NAA11: variants seen among roughly 807,000 people sequenced by gnomAD.
The protein encoded by NAA11 is N-alpha-acetyltransferase 11.
In NAA11, 15 loss-of-function variants were observed where a neutral mutation model predicts 16.1. That is an observed-to-expected ratio of 0.93 (90% CI 0.62 to 1.44). The LOEUF is 1.44. Among genes scored for constraint, NAA11 ranks in the 40% most tolerant of loss-of-function variants. The pLI is 0.00. For synonymous variants in NAA11, 122 were observed against 112.4 expected (o/e 1.09, Z -0.54); for missense variants, 298 against 291.3 (o/e 1.02, Z -0.17).
At chr4:79,266,744 A>G (rs1256917641) in intron 2 of NAA11, among the ~76,000 whole-genome samples, 1 of 152,186 alleles carries the variant, frequency 6.6e-6, no homozygotes, top group Non-Finnish European at 1.5e-5. Flanking sequence ...TTTGGGGGGT[A>G]AGTGAATCAC....
chr4:79,217,629 T>A, the NAA11 span, among the ~76,000 whole-genome samples: 3 of 152,274 alleles, frequency 2.0e-5, no homozygotes, highest in East Asian at 3.9e-4. Context: ...ACATGAATTA[T>A]TATAGTGAAT....
intron 1 of NAA11, among the ~76,000 whole-genome samples, chr4:79,301,189 G>A (rs746347686): frequency 5.9e-5 from 9 of 152,164 alleles, no homozygotes; most frequent in Non-Finnish European, 1.2e-4. Context: ...AGTAAGTACC[G>A]AATAAACATT....
chr4:79,291,168 A>T lies in NAA11; in HGVS notation c.*122+2837T>A, dbSNP rs189100606. ...TTTAAAAGAGCGTGTACAGCACCAT[A>T]TAAAGAATCTGGGCCAGGTGCAGTG... On this transcript the variant is annotated intron_variant and NMD_transcript_variant, in intron 2 of 2. Coordinates refer to the NAA11 transcript ENST00000511542. 3.7e-4 allele frequency among the ~76,000 whole-genome samples: 57 copies of T among 152,292 alleles called. 1 individual carries two copies. The East Asian group carries it at 9.5e-3, about 25-fold the overall frequency.
At chr4:79,304,843 C>T (rs983982657) in intron 1 of NAA11, among the ~76,000 whole-genome samples, 2 of 152,086 alleles carry the variant, frequency 1.3e-5, no homozygotes, top group African/African-American at 4.8e-5. Context: ...GCCCTAGTAT[C>T]TTGAGTATGC....
At chr4:79,272,272 GA>G (rs1428256973) in intron 2 of NAA11, among the ~76,000 whole-genome samples, 1 of 151,994 alleles carries the variant, frequency 6.6e-6, no homozygotes, top group East Asian at 1.9e-4. Context: ...TTGATGTTGT[GA>G]AAAGAGAATT....
chr4:79,163,080 C>T, the NAA11 span, among the ~76,000 whole-genome samples: 3 of 152,150 alleles, frequency 2.0e-5, no homozygotes, highest in East Asian at 5.8e-4. Context: ...TCCAAAGCCC[C>T]TCCTATTTCC....
chr4:79,304,032 C>T (rs889287177), intron 1 of NAA11, among the ~76,000 whole-genome samples: 3 of 152,046 alleles, frequency 2.0e-5, no homozygotes, highest in African/African-American at 4.8e-5. Flanking sequence ...AGTGACAGCT[C>T]GACAGCTCTT....
At chr4:79,315,707 G>T (rs1422362343), downstream of NAA11, among the ~76,000 whole-genome samples, 1 of 151,678 alleles carries the variant, frequency 6.6e-6, no homozygotes, top group Non-Finnish European at 1.5e-5. Context: ...CACTTTTCCT[G>T]TGTAAAAAGA....
the NAA11 span, among the ~76,000 whole-genome samples, chr4:79,214,717 T>C: frequency 6.6e-6 from 1 of 152,052 alleles, no homozygotes; most frequent in Non-Finnish European, 1.5e-5. Context: ...GAGAATGGCA[T>C]GAACCAGGAG....
At chr4:79,167,186 T>C in the NAA11 span, among the ~76,000 whole-genome samples, 1 of 56,636 alleles carries the variant, frequency 1.8e-5, no homozygotes, top group Admixed American at 2.1e-4. Context: ...GACAACTTAT[T>C]TTATATATAT....
the NAA11 span, among the ~76,000 whole-genome samples, chr4:79,173,726 G>C: frequency 6.6e-6 from 1 of 152,052 alleles, no homozygotes; most frequent in African/African-American, 2.4e-5. Flanking sequence ...GCATGGCCAA[G>C]GCAAAGAGGT....
downstream of NAA11, among the ~76,000 whole-genome samples, chr4:79,223,489 C>G (rs1242221318): frequency 9.5e-6 from 1 of 104,854 alleles, no homozygotes; most frequent in Non-Finnish European, 1.8e-5. Flanking sequence ...ACTCTGGGGA[C>G]TGTTGTGGGG....
chr4:79,285,347 G>T (rs1722883425), intron 2 of NAA11, among the ~76,000 whole-genome samples: 1 of 151,968 alleles, frequency 6.6e-6, no homozygotes, highest in African/African-American at 2.4e-5. Context: ...AAATGGCTTT[G>T]CCTATTGTTT....
chr4:79,277,426 C>G (rs1271102030), intron 2 of NAA11, among the ~76,000 whole-genome samples: 1 of 152,002 alleles, frequency 6.6e-6, no homozygotes, highest in African/African-American at 2.4e-5. Flanking sequence ...AGCAAAATAA[C>G]TAAGCTATGT....
At chr4:79,245,800 G>T (rs567423493) in intron 2 of NAA11, among the ~76,000 whole-genome samples, 357 of 151,556 alleles carry the variant, frequency 2.4e-3, no homozygotes, top group Admixed American at 6.0e-3. Context: ...CGTCTGGGGG[G>T]TGAGGGGCCC....
intron 2 of NAA11, chr4:79,258,958 G>A (rs776665097): frequency 3.2e-4 from 68 of 210,026 alleles, no homozygotes; most frequent in Non-Finnish European, 5.6e-4. Flanking sequence ...ATGACCAGCT[G>A]CAGAGAGGAG....
chr4:79,195,516 G>A, the NAA11 span, among the ~76,000 whole-genome samples: 2 of 151,806 alleles, frequency 1.3e-5, no homozygotes, highest in African/African-American at 4.8e-5. Context: ...TCTAATCTGT[G>A]GTATCCAGTA....
the NAA11 span, among the ~76,000 whole-genome samples, chr4:79,184,752 G>A: frequency 2.6e-5 from 4 of 152,122 alleles, no homozygotes; most frequent in Non-Finnish European, 5.9e-5. Flanking sequence ...TGTGAAAAAC[G>A]TCTTTTGTGG....
In NAA11 at chr4:79,325,589, C is replaced by G; in HGVS notation, c.289G>C (p.Ala97Pro). The G allele has an allele frequency of 6.2e-7, 1 of 1,614,078 alleles. No homozygotes were observed. Among genetic ancestry groups the G allele is most frequent in the Non-Finnish European group, 8.5e-7 (1 of 1,179,958 alleles). ...TTGGCGTTAAAGTTCTCTATCATGG[C>G]CCTGGAGGCCTGGTCCATCAGCTTC... ...AQKLMDQASR[A>P]MIENFNAKYV... The change falls in exon 1 of 2, where the codon GCC becomes CCC. Residue 97 changes from alanine to proline, a missense_variant. Ala to Pro is a conservative substitution (Grantham distance 27). Coordinates refer to ENST00000286794, the MANE Select transcript of NAA11 (RefSeq NM_032693.3).
Sources: gnomAD v4.1 joint callset for allele counts (sites outside exome capture counted in the v4.1 genomes callset) on GRCh38, gnomAD v4.1.1 for gene constraint, MANE v1.5 for transcripts, NCBI Gene and HGNC (gene_info 2026-07-23, HGNC 2026-07-21) for gene names.